The following FHIT variants were observed in gnomAD, a reference collection of about 807,000 sequenced individuals.
FHIT encodes the protein bis(5'-adenosyl)-triphosphatase.
Under a neutral mutation model 17.9 loss-of-function variants are expected in FHIT, and 19 were observed. That is an observed-to-expected ratio of 1.06 (90% CI 0.74 to 1.56). FHIT has a LOEUF of 1.56. FHIT is among the 40% of genes most tolerant of loss of function. The pLI is 0.00. For synonymous variants in FHIT, 81 were observed against 69.7 expected, an observed-to-expected ratio of 1.16 and a Z score of -0.81; for missense variants, 248 against 189.2, an observed-to-expected ratio of 1.31 and a Z score of -1.82.
At chr3:60,860,107 T>TA (rs535205236) in intron 3 of FHIT, among the ~76,000 whole-genome samples, 16 of 146,596 alleles carry the variant, frequency 1.1e-4, no homozygotes, top group Admixed American at 3.4e-4. Flanking sequence ...ATATATCTGA[T>TA]ATATGATATA....
intron 5 of FHIT, among the ~76,000 whole-genome samples, chr3:60,043,093 G>C (rs1172490293): frequency 1.3e-5 from 2 of 152,146 alleles, no homozygotes; most frequent in Non-Finnish European, 2.9e-5. Flanking sequence ...TACTAATCAA[G>C]CTGTGAAGGA....
At chr3:60,996,258 A>G (rs2030664957) in intron 3 of FHIT, among the ~76,000 whole-genome samples, 1 of 152,178 alleles carries the variant, frequency 6.6e-6, no homozygotes, top group South Asian at 2.1e-4. Flanking sequence ...TTTGCTTTCA[A>G]CAGGTTATCC....
chr3:60,305,013 G>T (rs564435362), intron 5 of FHIT, among the ~76,000 whole-genome samples: 1 of 152,224 alleles, frequency 6.6e-6, no homozygotes, highest in South Asian at 2.1e-4. Flanking sequence ...GATTCTGTCC[G>T]TTGTCACATT....
intron 8 of FHIT, among the ~76,000 whole-genome samples, chr3:59,888,680 C>T (rs141232067): frequency 1.3e-3 from 205 of 152,274 alleles, no homozygotes; most frequent in Middle Eastern, 0.01. Flanking sequence ...TGACTGGGTC[C>T]TAGTCTCCAT....
chr3:61,048,967 G>A (rs1046301717), intron 2 of FHIT, among the ~76,000 whole-genome samples: 1 of 151,882 alleles, frequency 6.6e-6, no homozygotes, highest in Non-Finnish European at 1.5e-5. Context: ...ACACACCAGG[G>A]CCTGTTGTGG....
At chr3:60,208,917 A>G (rs1373129736) in intron 5 of FHIT, among the ~76,000 whole-genome samples, 2 of 152,182 alleles carry the variant, frequency 1.3e-5, no homozygotes, top group Admixed American at 6.5e-5. Context: ...AACATCCACA[A>G]TATTTCAGGT....
At chr3:60,547,091 C>G (rs2036392244) in intron 4 of FHIT, among the ~76,000 whole-genome samples, 1 of 152,088 alleles carries the variant, frequency 6.6e-6, no homozygotes, top group Admixed American at 6.5e-5. Context: ...AAACTGTCTC[C>G]AAGACTGAGA....
intron 2 of FHIT, among the ~76,000 whole-genome samples, chr3:61,058,594 TC>T (rs1419828468): frequency 6.6e-6 from 1 of 152,180 alleles, no homozygotes; most frequent in Non-Finnish European, 1.5e-5. Context: ...CCCTTTAGTC[TC>T]TTTCTCCTGC....
At chr3:60,955,613 T>TATATACATATATATATATAC (rs1559862322) in intron 3 of FHIT, among the ~76,000 whole-genome samples, 54 of 13,254 alleles carry the variant, frequency 4.1e-3, no homozygotes, top group Middle Eastern at 0.036. Flanking sequence ...TATATATATA[T>TATATACATATATATATATAC]ATATATATAT....
chr3:59,901,777 A>C (rs1704340428), intron 8 of FHIT, among the ~76,000 whole-genome samples: 1 of 152,220 alleles, frequency 6.6e-6, no homozygotes. Flanking sequence ...TTCTATTCCT[A>C]GTTATATACC....
At chr3:61,206,999 A>G (rs2039259792) in intron 1 of FHIT, among the ~76,000 whole-genome samples, 1 of 152,170 alleles carries the variant, frequency 6.6e-6, no homozygotes, top group Non-Finnish European at 1.5e-5. Context: ...ACCCATCAAT[A>G]CCTAATTTAT....
At chr3:60,118,339 C>G (rs1403946895) in intron 5 of FHIT, among the ~76,000 whole-genome samples, 1 of 151,432 alleles carries the variant, frequency 6.6e-6, no homozygotes, top group Non-Finnish European at 1.5e-5. Flanking sequence ...AACTCCTGGC[C>G]TCAAGGAATC....
intron 4 of FHIT, among the ~76,000 whole-genome samples, chr3:60,667,403 G>A (rs72872800): frequency 0.01 from 1,523 of 151,856 alleles, 30 homozygotes; most frequent in African/African-American, 0.035. Context: ...CTAACCTATC[G>A]TTAATACTAT....
At chr3:60,956,393 C>T (rs997146848) in intron 3 of FHIT, among the ~76,000 whole-genome samples, 3 of 152,084 alleles carry the variant, frequency 2.0e-5, no homozygotes, top group South Asian at 4.2e-4. Flanking sequence ...GAGGTTGAAA[C>T]ATTCTCTCTC....
intron 5 of FHIT, among the ~76,000 whole-genome samples, chr3:60,169,819 A>C (rs2107397909): frequency 6.6e-6 from 1 of 152,292 alleles, no homozygotes; most frequent in South Asian, 2.1e-4. Context: ...TAAGAATGCA[A>C]CAAAGTGGGG....
At chr3:60,051,941 G>T (rs189806980) in intron 5 of FHIT, among the ~76,000 whole-genome samples, 76 of 152,266 alleles carry the variant, frequency 5.0e-4, no homozygotes, top group Non-Finnish European at 9.6e-4. Flanking sequence ...TTGGAACAGG[G>T]CAAGAATATC....
intron 1 of FHIT, among the ~76,000 whole-genome samples, chr3:61,235,633 C>T (rs1315052147): frequency 2.0e-5 from 3 of 151,620 alleles, no homozygotes; most frequent in South Asian, 2.1e-4. Flanking sequence ...ACCCAGGAGG[C>T]GGAGGTTGCA....
At chr3:60,790,665 T>C (rs1700745158) in intron 4 of FHIT, among the ~76,000 whole-genome samples, 1 of 152,114 alleles carries the variant, frequency 6.6e-6, no homozygotes, top group African/African-American at 2.4e-5. Flanking sequence ...AACCATAGGA[T>C]GAATATATGG....
intron 5 of FHIT, among the ~76,000 whole-genome samples, chr3:60,060,883 A>T (rs1361984850): frequency 6.6e-6 from 1 of 152,224 alleles, no homozygotes; most frequent in Non-Finnish European, 1.5e-5. Context: ...TCAGAATTTC[A>T]GGAACAAAAA....
Sources: gnomAD v4.1 joint callset for allele counts (sites outside exome capture counted in the v4.1 genomes callset) on GRCh38, gnomAD v4.1.1 for gene constraint, MANE v1.5 for transcripts, NCBI Gene and HGNC (gene_info 2026-07-23, HGNC 2026-07-21) for gene names.